Variants in FANCL observed in about 807,000 individuals in gnomAD.
FANCL encodes E3 ubiquitin-protein ligase FANCL.
FANCL carries 69 observed loss-of-function variants against 59.4 expected under a neutral mutation model. The observed-to-expected ratio is 1.16, with a 90% CI of 0.96 to 1.42. The LOEUF (loss-of-function observed/expected upper bound fraction) is 1.42, where lower values mean the gene tolerates loss of function less well. Among genes scored for constraint, FANCL ranks in the 40% most tolerant of loss-of-function variants. FANCL has a pLI of 0.00. For synonymous variants in FANCL, 180 were observed against 147.1 expected (o/e 1.22, Z -1.62); for missense variants, 519 against 447.2 (o/e 1.16, Z -1.45).
chr2:58,168,698 G>A (rs1686216298), intron 7 of FANCL, among the ~76,000 whole-genome samples: 1 of 152,126 alleles, frequency 6.6e-6, no homozygotes, highest in Non-Finnish European at 1.5e-5. Flanking sequence ...AGATCCACTG[G>A]CTTGAAATTC....
chr2:58,192,903 G>C (rs1234169762), intron 7 of FANCL, among the ~76,000 whole-genome samples: 3 of 151,836 alleles, frequency 2.0e-5, no homozygotes, highest in African/African-American at 7.2e-5. Context: ...AACTTCTGAA[G>C]CTATGTTCAC....
intron 6 of FANCL, among the ~76,000 whole-genome samples, chr2:58,199,045 A>T (rs1185825405): frequency 6.6e-6 from 1 of 151,414 alleles, no homozygotes; most frequent in African/African-American, 2.4e-5. Context: ...AAAAAAAAAA[A>T]GAAAAACGAG....
intron 1 of FANCL, among the ~76,000 whole-genome samples, chr2:58,237,799 T>C (rs1320418077): frequency 6.6e-6 from 1 of 152,206 alleles, no homozygotes; most frequent in Non-Finnish European, 1.5e-5. Flanking sequence ...TCCTTTTGAA[T>C]ATAGACTAAG....
At chr2:58,203,982 ATTCT>A (rs775213684) in intron 6 of FANCL, 144 bp downstream of exon 6, 94 of 717,470 alleles carry the variant, frequency 1.3e-4, no homozygotes, top group Non-Finnish European at 2.1e-4. Flanking sequence ...TGGTGAATAA[ATTCT>A]TTGAGGCTTT....
intron 2 of FANCL, among the ~76,000 whole-genome samples, chr2:58,230,606 A>G (rs1230364810): frequency 1.3e-5 from 2 of 152,196 alleles, no homozygotes; most frequent in African/African-American, 2.4e-5. Context: ...TACAAGTAGG[A>G]AGCCTCTCTG....
At chr2:58,190,731 C>T (rs942250679) in intron 7 of FANCL, among the ~76,000 whole-genome samples, 2 of 151,940 alleles carry the variant, frequency 1.3e-5, no homozygotes, top group Middle Eastern at 6.8e-3. Flanking sequence ...ATTCTCACAG[C>T]CAGAGCCAAG....
intron 5 of FANCL, among the ~76,000 whole-genome samples, chr2:58,219,039 C>G (rs1692139933): frequency 1.4e-5 from 2 of 146,950 alleles, no homozygotes; most frequent in South Asian, 4.4e-4. Context: ...TAATACCACT[C>G]ACAAATAAAA....
At chr2:58,231,589 G>A (rs1041995487) in intron 2 of FANCL, among the ~76,000 whole-genome samples, 2 of 152,014 alleles carry the variant, frequency 1.3e-5, no homozygotes, top group Admixed American at 6.6e-5. Flanking sequence ...ATTGAGATTT[G>A]GGGTGGTACC....
chr2:58,163,204 A>G, intron 9 of FANCL, 130 bp from the exon 10 acceptor site: 1 of 836,320 alleles, frequency 1.2e-6, no homozygotes, highest in Non-Finnish European at 1.9e-6. Context: ...GTTAAAAAAC[A>G]AAATTATACA....
At chr2:58,195,976 C>T (rs1689385227) in intron 7 of FANCL, among the ~76,000 whole-genome samples, 1 of 152,096 alleles carries the variant, frequency 6.6e-6, no homozygotes, top group South Asian at 2.1e-4. Flanking sequence ...CACTGCAGCA[C>T]TGTTTGTCAG....
intron 7 of FANCL, among the ~76,000 whole-genome samples, chr2:58,198,028 GGTGT>G (rs113480493): frequency 8.0e-5 from 12 of 150,334 alleles, no homozygotes; most frequent in South Asian, 2.1e-4. Flanking sequence ...CAGGCTGGAT[GGTGT>G]GTGTGTGTGT....
At chr2:58,177,557 C>T (rs1224948612) in intron 7 of FANCL, among the ~76,000 whole-genome samples, 1 of 142,770 alleles carries the variant, frequency 7.0e-6, no homozygotes, top group Non-Finnish European at 1.5e-5. Context: ...CGCATATTCT[C>T]ACTCATAGGT....
chr2:58,171,653 G>T (rs1048168461), intron 7 of FANCL, among the ~76,000 whole-genome samples: 8 of 152,170 alleles, frequency 5.3e-5, no homozygotes, highest in East Asian at 3.9e-4. Flanking sequence ...GAACAGCTCC[G>T]GTCTACAGCT....
intron 8 of FANCL, among the ~76,000 whole-genome samples, 181 bp downstream of exon 8, chr2:58,165,543 C>T (rs1456609160): frequency 3.3e-5 from 5 of 152,136 alleles, no homozygotes; most frequent in African/African-American, 9.7e-5. Flanking sequence ...CACCTCAGTA[C>T]TTCTCCTTTT....
intron 7 of FANCL, among the ~76,000 whole-genome samples, chr2:58,169,024 T>A (rs1267851218): frequency 6.6e-6 from 1 of 152,132 alleles, no homozygotes; most frequent in Non-Finnish European, 1.5e-5. Context: ...GGGCACAGCT[T>A]CAGCAGACTT....
At chr2:58,231,030 T>C (rs987082855) in intron 2 of FANCL, among the ~76,000 whole-genome samples, 1 of 152,234 alleles carries the variant, frequency 6.6e-6, no homozygotes, top group Non-Finnish European at 1.5e-5. Context: ...TATCTCTTTG[T>C]AATCCTCAGC....
intron 1 of FANCL, among the ~76,000 whole-genome samples, chr2:58,234,571 T>G (rs1558828572): frequency 6.6e-6 from 1 of 151,240 alleles, no homozygotes; most frequent in African/African-American, 2.4e-5. Flanking sequence ...AATAAAATAG[T>G]AGAAAAAAAA....
intron 7 of FANCL, among the ~76,000 whole-genome samples, chr2:58,182,295 AT>A (rs1688010104): frequency 1.3e-5 from 2 of 151,794 alleles, no homozygotes; most frequent in African/African-American, 4.8e-5. Flanking sequence ...TACAGCCTTT[AT>A]ACTGGGACTT....
intron 7 of FANCL, among the ~76,000 whole-genome samples, chr2:58,190,575 T>TA (rs1324938408): frequency 2.6e-5 from 4 of 151,546 alleles, no homozygotes; most frequent in African/African-American, 7.3e-5. Context: ...AAAAGGGTGC[T>TA]ACCATCCATA....
Sources: gnomAD v4.1 joint callset for allele counts (sites outside exome capture counted in the v4.1 genomes callset) on GRCh38, gnomAD v4.1.1 for gene constraint, MANE v1.5 for transcripts, NCBI Gene and HGNC (gene_info 2026-07-23, HGNC 2026-07-21) for gene names.